Variants in ALK observed in about 807,000 individuals in gnomAD.
ALK encodes the protein ALK receptor tyrosine kinase.
A neutral mutation model predicts 163.1 loss-of-function variants in ALK; 74 were observed. The observed-to-expected ratio is 0.45, with a 90% CI of 0.38 to 0.55. ALK has a LOEUF of 0.55. ALK is among the 20% of genes least tolerant of loss of function. ALK has a pLI of 0.00. For synonymous variants in ALK, 960 were observed against 843.2 expected (o/e 1.14, Z -2.40); for missense variants, 2,063 against 2,105.3 (o/e 0.98, Z 0.39).
At chr2:29,901,163 AC>A (rs1428855637) in intron 1 of ALK, among the ~76,000 whole-genome samples, 4 of 152,138 alleles carry the variant, frequency 2.6e-5, no homozygotes, top group Non-Finnish European at 5.9e-5. Flanking sequence ...AAGTCACTTA[AC>A]CCCACAGAGC....
intron 9 of ALK, among the ~76,000 whole-genome samples, chr2:29,283,956 G>A (rs986417907): frequency 6.6e-6 from 1 of 152,078 alleles, no homozygotes; most frequent in Non-Finnish European, 1.5e-5. Flanking sequence ...CCTTGCTCCC[G>A]AGGATTTCAG....
chr2:29,346,717 A>G (rs966653755), intron 5 of ALK, among the ~76,000 whole-genome samples: 13 of 152,234 alleles, frequency 8.5e-5, no homozygotes, highest in Non-Finnish European at 1.5e-4. Flanking sequence ...AATGCAGAAG[A>G]GTTTGGATTT....
chr2:29,680,163 C>G, intron 3 of ALK, among the ~76,000 whole-genome samples: 1 of 151,638 alleles, frequency 6.6e-6, no homozygotes, highest in Non-Finnish European at 1.5e-5. Context: ...ATGTAGATCT[C>G]ATTGTATTTA....
At chr2:29,691,120 C>A (rs916647076) in intron 3 of ALK, among the ~76,000 whole-genome samples, 1 of 152,172 alleles carries the variant, frequency 6.6e-6, no homozygotes, top group Admixed American at 6.5e-5. Context: ...TGAGGAACAA[C>A]GCTACTTCAG....
chr2:29,624,890 A>T (rs1339957883), intron 3 of ALK, among the ~76,000 whole-genome samples: 1 of 152,230 alleles, frequency 6.6e-6, no homozygotes, highest in Admixed American at 6.5e-5. Context: ...CTGTGGGCAG[A>T]GCCTGGTGCT....
chr2:29,511,984 A>G (rs953027040), intron 4 of ALK, among the ~76,000 whole-genome samples: 1 of 152,062 alleles, frequency 6.6e-6, no homozygotes, highest in African/African-American at 2.4e-5. Context: ...TATAGCTAAT[A>G]TTTTCTCCCA....
chr2:29,251,060 C>A lies in ALK; in HGVS notation c.2204+45G>T, dbSNP rs13405107. ...CCATAGGCAAGACTCCAGGCTTCTT[C>A]GGAAGGGGTGGTCTGCCCCTCCCCT... On this transcript the variant is annotated intron_variant, in intron 12 of 28. Coordinates refer to ENST00000389048, the MANE Select transcript of ALK (RefSeq NM_004304.5). 1.1e-3 allele frequency: 1,732 copies of A among 1,598,310 alleles called. 2 individuals are homozygous for A. Among genetic ancestry groups the A allele is most frequent in the Non-Finnish European group, 1.4e-3 (1,581 of 1,170,780 alleles).
In ALK at chr2:29,553,336, G is replaced by T. The variant is rs112728901; in HGVS notation, c.953-21220C>A. Among the ~76,000 whole-genome samples the T allele has an allele frequency of 3.6e-3, 553 of 152,242 alleles. 1 individual carries two copies. The highest frequency in any genetic ancestry group is 0.013 in the African/African-American group (533 of 41,544). ...AGAGCAGCCCTCACCAGACACTAAC[G>T]GTCTCAGTGCCTTGATGTTGAACTT... On this transcript the variant is annotated intron_variant, in intron 3 of 28. Transcript: ENST00000389048.
intron 6 of ALK, among the ~76,000 whole-genome samples, chr2:29,326,130 G>A (rs996776706): frequency 4.6e-5 from 7 of 152,130 alleles, no homozygotes; most frequent in African/African-American, 1.2e-4. Flanking sequence ...TGTCAGAGCC[G>A]CTTTTCAAAT....
At chr2:29,299,796 T>G (rs1666313235) in intron 8 of ALK, among the ~76,000 whole-genome samples, 1 of 152,218 alleles carries the variant, frequency 6.6e-6, no homozygotes, top group Admixed American at 6.5e-5. Context: ...AGAGAGTTTT[T>G]GGAAGGTGCT....
chr2:29,828,147 A>C (rs1272507033), intron 1 of ALK, among the ~76,000 whole-genome samples: 1 of 152,196 alleles, frequency 6.6e-6, no homozygotes, highest in Non-Finnish European at 1.5e-5. Context: ...CCTTCCTTAC[A>C]CCTTATACAA....
chr2:29,674,014 AC>A (rs1301281673), intron 3 of ALK, among the ~76,000 whole-genome samples: 3 of 129,642 alleles, frequency 2.3e-5, no homozygotes, highest in African/African-American at 9.0e-5. Context: ...TGATTTTTGT[AC>A]ATTGATTTTG....
intron 4 of ALK, among the ~76,000 whole-genome samples, chr2:29,510,688 G>C (rs1461520189): frequency 6.6e-6 from 1 of 152,190 alleles, no homozygotes; most frequent in African/African-American, 2.4e-5. Context: ...GAGAGTATTG[G>C]ATGTTTATAG....
At chr2:29,372,421 C>T (rs1668659402) in intron 5 of ALK, among the ~76,000 whole-genome samples, 1 of 152,184 alleles carries the variant, frequency 6.6e-6, no homozygotes, top group Non-Finnish European at 1.5e-5. Flanking sequence ...ATGACTCATA[C>T]CAATTGTTTG....
chr2:29,354,363 G>T (rs906303447), intron 5 of ALK, among the ~76,000 whole-genome samples: 3 of 152,184 alleles, frequency 2.0e-5, no homozygotes, highest in African/African-American at 7.2e-5. Flanking sequence ...TCAAAAGCCA[G>T]ATCTGGGCCC....
At chr2:29,775,545 A>AC (rs1558482958) in intron 1 of ALK, among the ~76,000 whole-genome samples, 1 of 152,040 alleles carries the variant, frequency 6.6e-6, no homozygotes, top group African/African-American at 2.4e-5. Context: ...TACAAAAAAA[A>AC]AAAAACAAAA....
intron 3 of ALK, among the ~76,000 whole-genome samples, chr2:29,600,795 A>G (rs59263354): frequency 6.6e-6 from 1 of 152,168 alleles, no homozygotes; most frequent in Non-Finnish European, 1.5e-5. Context: ...TAGAAGAGGT[A>G]TGGTGTTGGT....
chr2:29,854,075 G>A (rs7575650), intron 1 of ALK, among the ~76,000 whole-genome samples: 108,351 of 151,634 alleles, frequency 0.71, 39,344 homozygotes, highest in Non-Finnish European at 0.78. Context: ...GCACCCGGCC[G>A]GAATGTTCTT....
chr2:29,369,083 A>G (rs958561094), intron 5 of ALK, among the ~76,000 whole-genome samples: 2 of 152,190 alleles, frequency 1.3e-5, no homozygotes, highest in East Asian at 3.9e-4. Flanking sequence ...AGAGACTGCA[A>G]TCTTAGCTCC....
Sources: gnomAD v4.1 joint callset for allele counts (sites outside exome capture counted in the v4.1 genomes callset) on GRCh38, gnomAD v4.1.1 for gene constraint, MANE v1.5 for transcripts, NCBI Gene and HGNC (gene_info 2026-07-23, HGNC 2026-07-21) for gene names.